The following BTBD3 variants were observed in gnomAD, a reference collection of about 807,000 sequenced individuals.
The protein encoded by BTBD3 is BTB domain containing 3, also known as BTB/POZ domain-containing protein 3.
A neutral mutation model predicts 41.6 loss-of-function variants in BTBD3; 14 were observed. That is an observed-to-expected ratio of 0.34 (90% CI 0.22 to 0.53). BTBD3 has a LOEUF of 0.53. Ranked by LOEUF, BTBD3 falls within the 20% of genes least tolerant of loss-of-function variation. The pLI is 0.95. For synonymous variants in BTBD3, 249 were observed against 233.7 expected (o/e 1.07, Z -0.60); for missense variants, 426 against 654.7 (o/e 0.65, Z 3.81).
chr20:11,919,620 G>T, intron 2 of BTBD3, 98 bp from the exon 3 acceptor site: 1 of 1,332,362 alleles, frequency 7.5e-7, no homozygotes, highest in East Asian at 2.3e-5. Flanking sequence ...GGTACGCTAT[G>T]TTTACTAAAC....
At chr20:11,914,251 T>C (rs1468110566), upstream of BTBD3, among the ~76,000 whole-genome samples, 8 of 152,214 alleles carry the variant, frequency 5.3e-5, no homozygotes, top group African/African-American at 1.9e-4. Flanking sequence ...TAACTATTTA[T>C]GTTTAATCAA....
At position 11,922,761 on chromosome 20, in the gene BTBD3, G is replaced by A. The variant is rs1286388794; in HGVS notation, c.664G>A (p.Ala222Thr). The A allele has an allele frequency of 6.2e-7, 1 of 1,614,078 alleles. No homozygotes were observed. The highest frequency in any genetic ancestry group is 1.3e-5 in the African/African-American group (1 of 74,928). ...CVNFLETSLSAKNACVLLSQS... is the reference protein window; with the variant it reads ...CVNFLETSLSTKNACVLLSQS... ...TAATTTCCTGGAGACCAGCCTGAGT[G>A]CCAAGAATGCCTGTGTGCTCCTCTC... Residue 222 changes from alanine to threonine, a missense_variant, in exon 4 of 4, where the codon GCC becomes ACC. By Grantham distance (58) the Ala-to-Thr change is moderately conservative. Transcript: ENST00000378226.
At chr20:11,921,262 C>T (rs2056967867) in intron 3 of BTBD3, among the ~76,000 whole-genome samples, 1 of 152,194 alleles carries the variant, frequency 6.6e-6, no homozygotes, top group Non-Finnish European at 1.5e-5. Flanking sequence ...TCACCTAAGT[C>T]ATTTGATGAA....
chr20:11,913,388 T>G (rs1371902262), upstream of BTBD3: 3 of 134,110 alleles, frequency 2.2e-5, no homozygotes, highest in Non-Finnish European at 3.2e-5. Flanking sequence ...ACAAGTATCC[T>G]TTCAGCATTC....
rs2057020965 is a variant in BTBD3, at chr20:11,926,534, G to A, written c.*2868G>A. 6.6e-6 allele frequency: 1 copy of A among 152,622 alleles called. No individual in the cohort carries two copies. The highest frequency in any genetic ancestry group is 2.1e-4 in the South Asian group (1 of 4,834). The allele number at this position is 152,622 out of a possible 1,614,324, so 9.5% of individuals were successfully genotyped here. A position where few individuals can be genotyped will look rare whatever the true frequency, so the allele number is the denominator to read the frequency against. On this transcript the variant is annotated 3_prime_UTR_variant, in exon 4 of 4. Transcript: ENST00000378226. ...ACTGTATTTTTAATGTAACAGTGCAGATCTTGTTAGACACATGAATGTGTA... is the reference window on the plus strand; with the variant it reads ...ACTGTATTTTTAATGTAACAGTGCAAATCTTGTTAGACACATGAATGTGTA...
At chr20:11,906,285 G>T (rs1446243692) in intron 1 of BTBD3, among the ~76,000 whole-genome samples, 3 of 9,966 alleles carry the variant, frequency 3.0e-4, no homozygotes, top group East Asian at 2.8e-3. Context: ...TTTTTTTTGA[G>T]ACGGAGTCTC....
intron 1 of BTBD3, among the ~76,000 whole-genome samples, chr20:11,893,800 G>A (rs551823003): frequency 4.2e-5 from 6 of 144,156 alleles, no homozygotes; most frequent in Non-Finnish European, 6.2e-5. Flanking sequence ...TAGATGATGT[G>A]CTTCCATTTT....
intron 1 of BTBD3, among the ~76,000 whole-genome samples, chr20:11,902,042 C>T (rs1053379210): frequency 6.6e-6 from 1 of 152,044 alleles, no homozygotes; most frequent in East Asian, 1.9e-4. Flanking sequence ...TGCCTGCCCC[C>T]ACCCCACCAA....
chr20:11,900,765 C>T (rs1376380102), intron 1 of BTBD3, among the ~76,000 whole-genome samples: 1 of 146,958 alleles, frequency 6.8e-6, no homozygotes, highest in Non-Finnish European at 1.5e-5. Context: ...TGGAGTGCAG[C>T]GGCGACATCT....
chr20:11,923,996 T>C lies in BTBD3; in HGVS notation c.*330T>C. ...CCTCTGAAGATAATTTTGGATCACC[T>C]TGAATTTCCTTTTGGACGTTATTTG... On this transcript the variant is annotated 3_prime_UTR_variant, in exon 4 of 4. Coordinates refer to ENST00000378226, the MANE Select transcript of BTBD3 (RefSeq NM_014962.4). This position sits in a 1 kb window ranked among gnomAD's most constrained non-coding sequence, Gnocchi z 5.3. 4.5e-6 allele frequency: 1 copy of C among 224,226 alleles called. No homozygotes were observed. 13.9% of individuals were successfully genotyped at this position (224,226 alleles called of 1,614,324 possible).
At position 11,917,924 on chromosome 20, in the gene BTBD3, A is replaced by T. The variant is rs1358529281; in HGVS notation, c.-352A>T. Reference sequence around the variant, plus strand: ...CAACTTCAGCCGGCTGAACAGACTCACGCAGCTCCAGCCCATCTTGCTGAC... The same window carrying T: ...CAACTTCAGCCGGCTGAACAGACTCTCGCAGCTCCAGCCCATCTTGCTGAC... On this transcript the variant is annotated 5_prime_UTR_variant, in exon 1 of 4. Coordinates refer to ENST00000378226, the MANE Select transcript of BTBD3 (RefSeq NM_014962.4). 7.8e-6 allele frequency: 8 copies of T among 1,019,554 alleles called. No homozygotes were observed. Among genetic ancestry groups the T allele is most frequent in the Non-Finnish European group, 9.4e-6 (8 of 850,726 alleles). The allele number at this position is 1,019,554 out of a possible 1,614,324, so 63.2% of individuals were successfully genotyped here.
chr20:11,922,670 C>T lies in BTBD3; in HGVS notation c.573C>T (p.Asp191=). The part of the protein sequence containing the change: ...IYCDEIDLAA[D]TVLATLYAAK... Reference sequence around the variant, plus strand: ...GTGATGAAATTGACTTGGCTGCTGACACAGTGCTGGCCACACTTTATGCTG... The same window carrying T: ...GTGATGAAATTGACTTGGCTGCTGATACAGTGCTGGCCACACTTTATGCTG... Residue 191 remains aspartate, a synonymous_variant, in exon 4 of 4, where the codon GAC becomes GAT. Coordinates refer to ENST00000378226, the MANE Select transcript of BTBD3 (RefSeq NM_014962.4). 6.2e-7 allele frequency: 1 copy of T among 1,613,946 alleles called. No individual in the cohort carries two copies. The highest frequency in any genetic ancestry group is 8.5e-7 in the Non-Finnish European group (1 of 1,179,940).
exon 1 of BTBD3, chr20:11,890,907 C>T (rs2056746385): frequency 1.9e-5 from 19 of 984,792 alleles, no homozygotes; most frequent in Non-Finnish European, 2.3e-5. Flanking sequence ...GGGCACAGGG[C>T]AAGGCGGCGG....
chr20:11,909,398 C>G (rs2056876220), intron 1 of BTBD3: 1 of 151,794 alleles, frequency 6.6e-6, no homozygotes, highest in African/African-American at 2.4e-5. Context: ...TCTAATTCTA[C>G]TTGAATTTTT....
At chr20:11,903,144 T>C (rs74476758) in intron 1 of BTBD3, among the ~76,000 whole-genome samples, 1,845 of 152,330 alleles carry the variant, frequency 0.012, 30 homozygotes, top group African/African-American at 0.042. Flanking sequence ...ACAAACTGTT[T>C]TCTTCTATTT....
At chr20:11,899,496 A>T (rs535895426) in intron 1 of BTBD3, among the ~76,000 whole-genome samples, 3 of 151,890 alleles carry the variant, frequency 2.0e-5, no homozygotes, top group African/African-American at 7.3e-5. Flanking sequence ...ACTTCCCTTT[A>T]TTTTCCATGG....
intron 1 of BTBD3, among the ~76,000 whole-genome samples, chr20:11,897,550 C>T (rs1317184935): frequency 6.9e-6 from 1 of 145,076 alleles, no homozygotes; most frequent in Non-Finnish European, 1.5e-5. Flanking sequence ...CTCTCCAACT[C>T]TGTTTCCAGG....
At position 11,903,393 on chromosome 20, in the gene BTBD3, A is replaced by T. The variant is rs188809721; in HGVS notation, c.-126+12439A>T. ...GATGTAGGAGAAAGCAGATTTTCAG[A>T]GAGAGATGTTTGTTTTCTTGCTGGT... On this transcript the variant is annotated intron_variant, in intron 1 of 4. Coordinates refer to the BTBD3 transcript ENST00000254977. 2.0e-4 allele frequency among the ~76,000 whole-genome samples: 31 copies of T among 152,334 alleles called. 1 individual carries two copies. Among genetic ancestry groups the T allele is most frequent in the Middle Eastern group, 6.8e-3 (2 of 294 alleles).
chr20:11,914,176 A>C (rs1169610024), upstream of BTBD3, among the ~76,000 whole-genome samples: 1 of 152,198 alleles, frequency 6.6e-6, no homozygotes, highest in Non-Finnish European at 1.5e-5. Flanking sequence ...TCAGGCTGCT[A>C]TCCTTTTTTA....
Sources: gnomAD v4.1 joint callset for allele counts (sites outside exome capture counted in the v4.1 genomes callset) on GRCh38, gnomAD v4.1.1 for gene constraint, Gnocchi (gnomAD v3.1) non-coding constraint, MANE v1.5 for transcripts, NCBI Gene and HGNC (gene_info 2026-07-23, HGNC 2026-07-21) for gene names.